Variants in SGCD observed in about 807,000 individuals in gnomAD.
The protein encoded by SGCD is sarcoglycan delta.
SGCD carries 18 observed loss-of-function variants against 36.6 expected under a neutral mutation model. That is an observed-to-expected ratio of 0.49 (90% CI 0.34 to 0.73). The LOEUF (loss-of-function observed/expected upper bound fraction) is 0.73, where lower values mean the gene tolerates loss of function less well. SGCD is among the 30% of genes least tolerant of loss of function. The probability of loss-of-function intolerance (pLI) is 0.01; values close to 1 mark genes in which losing one functional copy is unlikely to be tolerated. For synonymous variants in SGCD, 133 were observed against 130.6 expected (o/e 1.02, Z -0.12); for missense variants, 387 against 346.7 (o/e 1.12, Z -0.92).
At chr5:156,531,026 A>T (rs1242533696) in intron 4 of SGCD, among the ~76,000 whole-genome samples, 1 of 152,144 alleles carries the variant, frequency 6.6e-6, no homozygotes, top group Non-Finnish European at 1.5e-5. Flanking sequence ...AAACTTAATG[A>T]CCTATGTGAT....
chr5:156,436,188 A>C (rs866506549), intron 3 of SGCD, among the ~76,000 whole-genome samples: 3 of 152,178 alleles, frequency 2.0e-5, no homozygotes, highest in Non-Finnish European at 4.4e-5. Context: ...ATTTGAATTG[A>C]TTTTATGTGA....
rs1280545801 is a variant in SGCD, at chr5:156,052,985, A to G, written c.-281-64893A>G. ...TGCCCCCCTGGGGACAGGAAAGTCAATCTTCCCTTCCCACAGGTCCACTGC... is the reference window on the plus strand; with the variant it reads ...TGCCCCCCTGGGGACAGGAAAGTCAGTCTTCCCTTCCCACAGGTCCACTGC... On this transcript the variant is annotated intron_variant, in intron 1 of 9. Transcript: ENST00000517913. 4.8e-5 allele frequency among the ~76,000 whole-genome samples: 7 copies of G among 145,998 alleles called. 1 individual carries two copies. Among genetic ancestry groups the G allele is most frequent in the Non-Finnish European group, 9.3e-5 (6 of 64,772 alleles).
At chr5:156,280,783 A>G (rs1561598326) in intron 3 of SGCD, among the ~76,000 whole-genome samples, 1 of 152,198 alleles carries the variant, frequency 6.6e-6, no homozygotes, top group Non-Finnish European at 1.5e-5. Context: ...AGAATTAAGA[A>G]TAGAATTCCT....
chr5:156,012,614 A>AT (rs56739452), intron 1 of SGCD, among the ~76,000 whole-genome samples: 3,056 of 138,634 alleles, frequency 0.022, 108 homozygotes, highest in African/African-American at 0.076. Context: ...CACAGAGATA[A>AT]TTTTTTTTTT....
At chr5:155,871,650 G>A (rs1755657052) in intron 1 of SGCD, among the ~76,000 whole-genome samples, 1 of 152,162 alleles carries the variant, frequency 6.6e-6, no homozygotes, top group Admixed American at 6.5e-5. Context: ...GGTGTAGCAG[G>A]CACTGTGTTA....
chr5:156,335,215 A>G (rs1469342718), intron 2 of SGCD, among the ~76,000 whole-genome samples: 1 of 152,244 alleles, frequency 6.6e-6, no homozygotes, highest in Non-Finnish European at 1.5e-5. Flanking sequence ...CTGCATCTCT[A>G]GGATGGAAAG....
rs1760874341 is a variant in SGCD, at chr5:156,595,065, AATC to A, written c.502+17_502+19del. 1 of 1,604,762 alleles carries A rather than the reference AATC, an allele frequency of 6.2e-7. No individual in the cohort carries two copies. The highest frequency in any genetic ancestry group is 1.1e-5 in the South Asian group (1 of 89,346). Reference sequence around the variant, plus strand: ...TACGAGTTTTAGGTAAGGAAACTTGAATCATTTAACTTGTTTGATGCTACTGTG... The same window carrying A: ...TACGAGTTTTAGGTAAGGAAACTTGAATTTAACTTGTTTGATGCTACTGTG... On this transcript the variant is annotated intron_variant, in intron 6 of 8. Coordinates refer to ENST00000337851, the MANE Select transcript of SGCD (RefSeq NM_000337.6).
chr5:155,920,926 C>G (rs936275336), intron 1 of SGCD, among the ~76,000 whole-genome samples: 3 of 152,140 alleles, frequency 2.0e-5, no homozygotes, highest in African/African-American at 7.2e-5. Flanking sequence ...AGGCATTTTA[C>G]ACTTGGGTCT....
At chr5:156,357,053 A>G (rs1013031944) in intron 3 of SGCD, among the ~76,000 whole-genome samples, 2 of 152,220 alleles carry the variant, frequency 1.3e-5, no homozygotes, top group African/African-American at 4.8e-5. Flanking sequence ...ATAATTTGTC[A>G]TGGTAGCCAC....
chr5:156,364,301 A>T (rs1769970392), intron 3 of SGCD, among the ~76,000 whole-genome samples: 1 of 152,084 alleles, frequency 6.6e-6, no homozygotes, highest in South Asian at 2.1e-4. Context: ...ACTAACAATC[A>T]GTCTTATAGA....
intron 4 of SGCD, among the ~76,000 whole-genome samples, chr5:156,511,140 A>G (rs1260970002): frequency 6.6e-6 from 1 of 152,158 alleles, no homozygotes; most frequent in Non-Finnish European, 1.5e-5. Context: ...CAAATTCACT[A>G]TTTTCCATTG....
At chr5:156,050,320 T>C (rs1759883425) in intron 1 of SGCD, among the ~76,000 whole-genome samples, 1 of 146,670 alleles carries the variant, frequency 6.8e-6, no homozygotes, top group African/African-American at 2.5e-5. Context: ...AGCAGAAAGA[T>C]TATGACTTGC....
the SGCD span, among the ~76,000 whole-genome samples, chr5:155,845,900 T>G: frequency 7.3e-4 from 111 of 152,294 alleles, 1 homozygote; most frequent in South Asian, 4.6e-3. Context: ...TCATCTTTGA[T>G]GTTCTGTGCC....
chr5:155,969,257 T>C (rs1757963072), intron 1 of SGCD, among the ~76,000 whole-genome samples: 2 of 152,122 alleles, frequency 1.3e-5, no homozygotes, highest in Non-Finnish European at 2.9e-5. Context: ...AGGTAGACAA[T>C]GTTTAACTGA....
chr5:156,374,156 A>G (rs1309887235), intron 3 of SGCD, among the ~76,000 whole-genome samples: 1 of 152,162 alleles, frequency 6.6e-6, no homozygotes, highest in Non-Finnish European at 1.5e-5. Flanking sequence ...ATACAAAAAA[A>G]AAAAAAATGC....
intron 7 of SGCD, among the ~76,000 whole-genome samples, chr5:156,671,743 T>C (rs759109881): frequency 1.8e-4 from 27 of 152,124 alleles, no homozygotes; most frequent in Non-Finnish European, 2.6e-4. Context: ...TGAGATTGAG[T>C]AATTTATAAA....
At chr5:156,314,749 A>G (rs1377667858) in intron 3 of SGCD, among the ~76,000 whole-genome samples, 4 of 152,050 alleles carry the variant, frequency 2.6e-5, no homozygotes, top group Non-Finnish European at 5.9e-5. Flanking sequence ...AACTGGGTAA[A>G]GAGGGAAGAG....
intron 4 of SGCD, among the ~76,000 whole-genome samples, chr5:156,519,369 C>T (rs1245604085): frequency 6.6e-6 from 1 of 151,562 alleles, no homozygotes; most frequent in Non-Finnish European, 1.5e-5. Flanking sequence ...AACAAACAAA[C>T]AAACAAAAAT....
chr5:156,080,491 G>C (rs1760922323), intron 1 of SGCD, among the ~76,000 whole-genome samples: 1 of 152,136 alleles, frequency 6.6e-6, no homozygotes, highest in Admixed American at 6.5e-5. Flanking sequence ...TTTTTGATCT[G>C]CTTCCTGTTT....
Sources: gnomAD v4.1 joint callset for allele counts (sites outside exome capture counted in the v4.1 genomes callset) on GRCh38, gnomAD v4.1.1 for gene constraint, MANE v1.5 for transcripts, NCBI Gene and HGNC (gene_info 2026-07-23, HGNC 2026-07-21) for gene names.